The following DCDC2C variants were observed in gnomAD, a reference collection of about 807,000 sequenced individuals.
DCDC2C encodes the protein doublecortin domain-containing protein 2C.
In DCDC2C, 44 loss-of-function variants were observed where a neutral mutation model predicts 45.0. The observed-to-expected ratio is 0.98, with a 90% CI of 0.77 to 1.26. The LOEUF is 1.26. DCDC2C is among the 50% of genes most tolerant of loss of function. The pLI is 0.00. For missense variants in DCDC2C, 447 were observed against 468.9 expected (o/e 0.95, Z 0.43); for synonymous variants, 187 against 178.8 (o/e 1.05, Z -0.37).
intron 10 of DCDC2C, among the ~76,000 whole-genome samples, chr2:3,812,342 T>C (rs1053131544): frequency 1.3e-5 from 2 of 152,184 alleles, no homozygotes; most frequent in Admixed American, 6.5e-5. Context: ...TTTATCAATT[T>C]CTTCCATGTT....
intron 4 of DCDC2C, 94 bp from the exon 5 acceptor site, chr2:3,752,669 G>A (rs975894225): frequency 6.4e-6 from 9 of 1,401,182 alleles, no homozygotes; most frequent in African/African-American, 1.4e-5. Flanking sequence ...AGCGGTCCAT[G>A]CACTAGTCAT....
intron 4 of DCDC2C, among the ~76,000 whole-genome samples, chr2:3,748,869 G>A (rs550792007): frequency 6.6e-6 from 1 of 152,118 alleles, no homozygotes; most frequent in Non-Finnish European, 1.5e-5. Context: ...GTCCCTTAAT[G>A]GGGGGAAACT....
intron 2 of DCDC2C, among the ~76,000 whole-genome samples, chr2:3,711,295 A>G (rs1482268923): frequency 2.6e-5 from 4 of 152,218 alleles, no homozygotes; most frequent in Admixed American, 2.6e-4. Flanking sequence ...TACTGGGTAT[A>G]TACCCAAGGG....
At chr2:3,757,247 A>G (rs920903677) in intron 6 of DCDC2C, among the ~76,000 whole-genome samples, 2 of 152,068 alleles carry the variant, frequency 1.3e-5, no homozygotes, top group Non-Finnish European at 2.9e-5. Context: ...TAAACCTTTT[A>G]TCTATTTTCT....
At chr2:3,762,358 G>A (rs907107955) in intron 6 of DCDC2C, among the ~76,000 whole-genome samples, 11 of 152,088 alleles carry the variant, frequency 7.2e-5, no homozygotes, top group African/African-American at 2.7e-4. Flanking sequence ...TGCAGAGGGG[G>A]TACTGGGGGA....
intron 10 of DCDC2C, among the ~76,000 whole-genome samples, chr2:3,792,210 C>T (rs926846972): frequency 6.6e-5 from 10 of 152,188 alleles, no homozygotes; most frequent in African/African-American, 2.4e-4. Context: ...TGATGCCTGC[C>T]TTGTAACGCC....
At chr2:3,787,294 C>T (rs913317852) in intron 10 of DCDC2C, among the ~76,000 whole-genome samples, 6 of 152,160 alleles carry the variant, frequency 3.9e-5, no homozygotes, top group Admixed American at 1.3e-4. Context: ...GCAAACTGTG[C>T]GCAAATAGTT....
At chr2:3,776,973 T>G (rs1399433370) in intron 8 of DCDC2C, among the ~76,000 whole-genome samples, 2 of 152,152 alleles carry the variant, frequency 1.3e-5, no homozygotes. Flanking sequence ...TAGTTTTACC[T>G]CCTGAATGTG....
At chr2:3,731,320 T>C (rs1668861170) in intron 3 of DCDC2C, among the ~76,000 whole-genome samples, 1 of 152,212 alleles carries the variant, frequency 6.6e-6, no homozygotes, top group Non-Finnish European at 1.5e-5. Context: ...CACTCACGTT[T>C]CTGAGTCTCC....
At chr2:3,790,281 A>G (rs1670769573) in intron 10 of DCDC2C, among the ~76,000 whole-genome samples, 1 of 152,240 alleles carries the variant, frequency 6.6e-6, no homozygotes, top group African/African-American at 2.4e-5. Context: ...GCCTCTTTAA[A>G]TGATCAAAGT....
In DCDC2C at chr2:3,791,904, G is replaced by A. The variant is rs552175866; in HGVS notation, c.1065+6804G>A. On this transcript the variant is annotated intron_variant, in intron 10 of 10. Transcript: ENST00000399143. ...TTCAAACTTATTTTTGACCTTGACA[G>A]TGAAAAGGAAAGGAGATGAGATGAA... 2.0e-5 allele frequency among the ~76,000 whole-genome samples: 3 copies of A among 152,344 alleles called. No individual in the cohort carries two copies. The South Asian group carries it at 6.2e-4, about 32-fold the overall frequency.
chr2:3,704,284 G>C (rs1303112583), intron 1 of DCDC2C: 1 of 377,550 alleles, frequency 2.6e-6, no homozygotes, highest in Non-Finnish European at 4.7e-6. Flanking sequence ...GGCCCTGGCC[G>C]GCAGCGATTC....
chr2:3,796,895 C>T (rs560131055), intron 10 of DCDC2C, among the ~76,000 whole-genome samples: 12 of 151,368 alleles, frequency 7.9e-5, no homozygotes, highest in African/African-American at 2.2e-4. Context: ...AAATGAGTTA[C>T]GGAGGATTCC....
chr2:3,807,272 C>T (rs1193548140), intron 10 of DCDC2C, among the ~76,000 whole-genome samples: 1 of 152,166 alleles, frequency 6.6e-6, no homozygotes, highest in African/African-American at 2.4e-5. Context: ...TGCTCAGCTG[C>T]TTACACAGGC....
At position 3,818,095 on chromosome 2, in the gene DCDC2C, T is replaced by C. The variant is rs1245638438; in HGVS notation, c.1066-29059T>C. ...GGGATATGAGATATCCTTTTGAGAATAGATGTTGGAAGAGCAGGAGGGTGT... is the reference window on the plus strand; with the variant it reads ...GGGATATGAGATATCCTTTTGAGAACAGATGTTGGAAGAGCAGGAGGGTGT... On this transcript the variant is annotated intron_variant, in intron 10 of 10. Coordinates refer to ENST00000399143, the MANE Select transcript of DCDC2C (RefSeq NM_001287444.2). The surrounding 1 kb of genome is among the most constrained non-coding windows in gnomAD (Gnocchi z 4.7). Among the ~76,000 whole-genome samples the C allele has an allele frequency of 2.0e-5, 3 of 152,028 alleles. No homozygotes were observed. Among genetic ancestry groups the C allele is most frequent in the African/African-American group, 7.3e-5 (3 of 41,370 alleles).
rs1432531906 is a variant in DCDC2C at position 3,798,370 on chromosome 2, A to G, written c.1065+13270A>G. 3.3e-5 allele frequency among the ~76,000 whole-genome samples: 5 copies of G among 151,368 alleles called. 1 individual carries two copies. The highest frequency in any genetic ancestry group is 7.4e-5 in the Non-Finnish European group (5 of 67,604). On this transcript the variant is annotated intron_variant, in intron 10 of 10. Coordinates refer to ENST00000399143, the MANE Select transcript of DCDC2C (RefSeq NM_001287444.2). ...TAATTGGAGCATTTAGTCCATTTATATTTAAAGTTAATATTGTTATGTGTG... is the reference window on the plus strand; with the variant it reads ...TAATTGGAGCATTTAGTCCATTTATGTTTAAAGTTAATATTGTTATGTGTG...
In DCDC2C at chr2:3,779,005, G is replaced by T. The variant is rs565264944; in HGVS notation, c.1023+121G>T. The T allele has an allele frequency of 1.4e-4, 134 of 989,610 alleles. 1 individual carries two copies. The African/African-American group carries it at 1.4e-3, about 11-fold the overall frequency. The allele number at this position is 989,610 out of a possible 1,614,324, so 61.3% of individuals were successfully genotyped here. On this transcript the variant is annotated intron_variant, in intron 9 of 10. Transcript: ENST00000399143. ...CAAGTCGCTTCCAAAACACAAGCCA[G>T]CGCGGAATCGGAAGCGAGTGCATTT...
intron 6 of DCDC2C, among the ~76,000 whole-genome samples, chr2:3,766,324 A>G (rs1670012496): frequency 6.6e-6 from 1 of 151,912 alleles, no homozygotes; most frequent in South Asian, 2.1e-4. Flanking sequence ...ACACACACAC[A>G]CACACACACG....
At chr2:3,739,486 C>T (rs1450565556) in intron 3 of DCDC2C, among the ~76,000 whole-genome samples, 4 of 152,170 alleles carry the variant, frequency 2.6e-5, no homozygotes, top group African/African-American at 4.8e-5. Context: ...AGCACATCGG[C>T]GGAGGAACAC....
Sources: gnomAD v4.1 joint callset for allele counts (sites outside exome capture counted in the v4.1 genomes callset) on GRCh38, gnomAD v4.1.1 for gene constraint, Gnocchi (gnomAD v3.1) non-coding constraint, MANE v1.5 for transcripts, NCBI Gene and HGNC (gene_info 2026-07-23, HGNC 2026-07-21) for gene names.